The following INSL6 variants were observed in gnomAD, a reference collection of about 807,000 sequenced individuals.
INSL6 encodes the protein insulin-like peptide INSL6.
INSL6 carries 16 observed loss-of-function variants against 9.4 expected under a neutral mutation model. The observed-to-expected ratio is 1.70, with a 90% CI of 1.15 to 2.59. INSL6 has a LOEUF of 2.59. Ranked by LOEUF, INSL6 falls within the 30% of genes most tolerant of loss-of-function variation. INSL6 has a pLI of 0.00. For missense variants in INSL6, 391 were observed against 257.3 expected, an observed-to-expected ratio of 1.52 and a Z score of -3.56; for synonymous variants, 154 against 96.9, an observed-to-expected ratio of 1.59 and a Z score of -3.46.
At chr9:5,032,137 A>G in the INSL6 span, among the ~76,000 whole-genome samples, 1 of 152,214 alleles carries the variant, frequency 6.6e-6, no homozygotes, top group African/African-American at 2.4e-5. Context: ...ACGCCCACGG[A>G]GCCTCGCTCA....
the INSL6 span, chr9:5,112,546 G>T: frequency 1.7e-6 from 1 of 604,102 alleles, no homozygotes. Flanking sequence ...GGAGAAGCAG[G>T]TGGCCAATAA....
the INSL6 span, among the ~76,000 whole-genome samples, chr9:5,079,380 A>C: frequency 6.6e-6 from 1 of 152,290 alleles, no homozygotes; most frequent in East Asian, 1.9e-4. Context: ...AGACCACAGA[A>C]ACTTTACTTG....
At chr9:5,168,995 G>A (rs2149553) in intron 1 of INSL6, among the ~76,000 whole-genome samples, 33,647 of 150,942 alleles carry the variant, frequency 0.22, 4,446 homozygotes, top group South Asian at 0.29. Flanking sequence ...GCATCATCTC[G>A]GCTCACTGCA....
chr9:5,172,490 C>T (rs1215474985), intron 1 of INSL6, among the ~76,000 whole-genome samples: 1 of 152,182 alleles, frequency 6.6e-6, no homozygotes, highest in African/African-American at 2.4e-5. Context: ...AACTTCTGCA[C>T]AGCAAAAGAA....
the INSL6 span, chr9:5,081,629 A>T: frequency 1.3e-6 from 1 of 787,582 alleles, no homozygotes; most frequent in Non-Finnish European, 2.1e-6. Flanking sequence ...TAGTATTTTT[A>T]ACTCACGATT....
chr9:5,166,728 A>G (rs1825061113), intron 1 of INSL6, among the ~76,000 whole-genome samples: 2 of 152,154 alleles, frequency 1.3e-5, no homozygotes, highest in Admixed American at 1.3e-4. Flanking sequence ...TTTTTAAAAA[A>G]CAGTAAATTC....
intron 1 of INSL6, 116 bp downstream of exon 1, chr9:5,185,198 A>G: frequency 7.9e-7 from 1 of 1,260,194 alleles, no homozygotes; most frequent in Non-Finnish European, 1.1e-6. Flanking sequence ...TTTTTTAAAG[A>G]GCTGTGTACT....
chr9:5,104,142 A>G, the INSL6 span, among the ~76,000 whole-genome samples: 1 of 152,316 alleles, frequency 6.6e-6, no homozygotes, highest in South Asian at 2.1e-4. Context: ...TTTCAAAAAG[A>G]TCAACAAAAT....
chr9:4,997,871 A>G, the INSL6 span, among the ~76,000 whole-genome samples: 2 of 152,110 alleles, frequency 1.3e-5, no homozygotes, highest in Admixed American at 6.5e-5. Flanking sequence ...TTTCATTTCC[A>G]TGTTTATGTA....
chr9:5,038,051 CATT>C, the INSL6 span, among the ~76,000 whole-genome samples: 66 of 152,208 alleles, frequency 4.3e-4, no homozygotes, highest in Non-Finnish European at 4.3e-4. Flanking sequence ...TACAACTATT[CATT>C]ATTCTTATAA....
the INSL6 span, among the ~76,000 whole-genome samples, chr9:5,018,564 C>T: frequency 6.6e-6 from 1 of 152,134 alleles, no homozygotes; most frequent in Non-Finnish European, 1.5e-5. Context: ...CTCTTGAACT[C>T]CTGGGCTCAA....
At chr9:5,032,131 C>T in the INSL6 span, among the ~76,000 whole-genome samples, 1 of 152,226 alleles carries the variant, frequency 6.6e-6, no homozygotes, top group Non-Finnish European at 1.5e-5. Flanking sequence ...GGTCCTACGC[C>T]CACGGAGCCT....
At chr9:5,048,813 A>G in the INSL6 span, among the ~76,000 whole-genome samples, 1 of 152,228 alleles carries the variant, frequency 6.6e-6, no homozygotes, top group African/African-American at 2.4e-5. Context: ...TATTACATCA[A>G]GAGAAGAGAA....
At chr9:5,042,366 T>C in the INSL6 span, among the ~76,000 whole-genome samples, 1 of 151,184 alleles carries the variant, frequency 6.6e-6, no homozygotes, top group Non-Finnish European at 1.5e-5. Context: ...CTCGATCTCC[T>C]GACCTCATGA....
chr9:5,029,845 C>G, the INSL6 span: 4 of 1,610,418 alleles, frequency 2.5e-6, no homozygotes, highest in Non-Finnish European at 3.4e-6. Flanking sequence ...GATCTGGTAT[C>G]CACCCAACCA....
At chr9:5,136,511 G>C (rs986283998) in intron 2 of INSL6, among the ~76,000 whole-genome samples, 2 of 152,076 alleles carry the variant, frequency 1.3e-5, no homozygotes, top group African/African-American at 2.4e-5. Context: ...CAGAAACAAT[G>C]AGAAAAACAA....
chr9:5,079,270 GTCAA>G, the INSL6 span, among the ~76,000 whole-genome samples: 399 of 149,070 alleles, frequency 2.7e-3, 1 homozygote, highest in African/African-American at 9.6e-3. Flanking sequence ...GAAGGTATTT[GTCAA>G]TCAATCTATT....
rs760356380 is a variant in INSL6, at chr9:5,185,443, G to C, written c.160C>G (p.Arg54Gly). 2.5e-6 allele frequency: 4 copies of C among 1,614,100 alleles called. No homozygotes were observed. Among genetic ancestry groups the C allele is most frequent in the Non-Finnish European group, 3.4e-6 (4 of 1,180,036 alleles). ...LCGHANWSQF[R>G]FEEETPFSRL... ...GAGAAAGGGGTTTCCTCCTCGAAAC[G>C]GAACTGGCTCCAGTTGGCATGGCCG... is the stretch of plus-strand genomic sequence containing the variant. Residue 54 changes from arginine to glycine, a missense_variant, in exon 1 of 2, where the codon CGT (arginine) becomes GGT (glycine). Arg to Gly is a moderately radical substitution (Grantham distance 125, BLOSUM62 -2). Coordinates refer to ENST00000381641, the MANE Select transcript of INSL6 (RefSeq NM_007179.3).
chr9:5,013,437 T>C, the INSL6 span, among the ~76,000 whole-genome samples: 4 of 152,224 alleles, frequency 2.6e-5, no homozygotes, highest in African/African-American at 9.6e-5. Flanking sequence ...AAGGTAAACA[T>C]TTAAATGTAT....
Sources: gnomAD v4.1 joint callset for allele counts (sites outside exome capture counted in the v4.1 genomes callset) on GRCh38, gnomAD v4.1.1 for gene constraint, MANE v1.5 for transcripts, NCBI Gene and HGNC (gene_info 2026-07-23, HGNC 2026-07-21) for gene names.